The following LPA variants were observed in gnomAD, a reference collection of about 807,000 sequenced individuals.
LPA encodes the protein apolipoprotein(a).
In LPA, 199 loss-of-function variants were observed where a neutral mutation model predicts 197.9. The ratio of observed to expected loss-of-function variants is 1.01; its 90% CI spans 0.90 to 1.13. The LOEUF (loss-of-function observed/expected upper bound fraction) is 1.13. LPA is among the 50% of genes most tolerant of loss of function. The pLI is 0.00. For synonymous variants in LPA, 715 were observed against 639.5 expected (o/e 1.12, Z -1.78); for missense variants, 1,853 against 1,785.8 (o/e 1.04, Z -0.68).
chr6:160,538,421 C>T (rs989728718), intron 36 of LPA, among the ~76,000 whole-genome samples: 26 of 152,160 alleles, frequency 1.7e-4, no homozygotes, highest in Non-Finnish European at 2.6e-4. Flanking sequence ...ACTTCCTCCT[C>T]GTGAATGTTA....
intron 26 of LPA, among the ~76,000 whole-genome samples, chr6:160,579,906 A>G (rs1778758151): frequency 6.6e-6 from 1 of 152,196 alleles, no homozygotes; most frequent in Non-Finnish European, 1.5e-5. Flanking sequence ...ACATAGAGTG[A>G]GATGCACAGA....
chr6:160,663,328 C>A (rs1055595170), intron 1 of LPA, among the ~76,000 whole-genome samples: 1 of 152,122 alleles, frequency 6.6e-6, no homozygotes, highest in Non-Finnish European at 1.5e-5. Context: ...TAGATTTTTT[C>A]TTGGAAATCT....
chr6:160,586,587 G>T lies in LPA; in HGVS notation c.3991C>A (p.Arg1331Ser), dbSNP rs147936725. ...GGATCCATGGTATAACACCAAGGGC[G>T]AATCTCAGCATCTGGATTCCTGCAG... ...NYCRNPDAEI[R>S]PWCYTMDPSV... The change falls in exon 25 of 39, where the codon CGC (arginine) becomes AGC (serine). Residue 1331 changes from arginine (R) to serine (S), a missense_variant. By Grantham distance (110) the Arg-to-Ser change is moderately radical (BLOSUM62 -1). Transcript: ENST00000316300. 3,509 of 1,613,758 alleles carry T rather than the reference G, an allele frequency of 2.2e-3. 7 individuals carry two copies. Among genetic ancestry groups the T allele is most frequent in the Non-Finnish European group, 2.7e-3 (3,185 of 1,179,810 alleles).
At chr6:160,655,279 C>T (rs556898952) in intron 1 of LPA, among the ~76,000 whole-genome samples, 7 of 152,318 alleles carry the variant, frequency 4.6e-5, no homozygotes, top group African/African-American at 1.7e-4. Context: ...CAGGGCCTTG[C>T]TCCAAAATCC....
intron 34 of LPA, 61 bp from the exon 35 acceptor site, chr6:160,541,242 C>A: frequency 1.7e-6 from 2 of 1,201,916 alleles, no homozygotes; most frequent in Admixed American, 3.4e-5. Context: ...CTTCATTGTA[C>A]AGAAAGCCAG....
intron 30 of LPA, among the ~76,000 whole-genome samples, chr6:160,551,269 A>T (rs982309907): frequency 3.3e-5 from 5 of 152,176 alleles, no homozygotes; most frequent in Non-Finnish European, 5.9e-5. Context: ...CATGATGATT[A>T]TAACTCTTTA....
rs1778257336 is a variant in LPA at position 160,556,054 on chromosome 6, A to G, written c.4944T>C (p.His1648=). 3 of 1,612,694 alleles carry G rather than the reference A, an allele frequency of 1.9e-6. No individual in the cohort carries two copies. Among genetic ancestry groups the G allele is most frequent in the Non-Finnish European group, 1.7e-6 (2 of 1,178,916 alleles). Residue 1648 remains histidine, a synonymous_variant, in exon 30 of 39, where the codon CAT becomes CAC. Transcript: ENST00000316300. Reference sequence around the variant, plus strand: ...TTGGGTAGTTTTCTGGGGTCCTCTGATGCCGGTGTGGTGTCATGGATGACC... The same window carrying G: ...TTGGGTAGTTTTCTGGGGTCCTCTGGTGCCGGTGTGGTGTCATGGATGACC... ...QSWSSMTPHR[H]QRTPENYPND... is the part of the protein sequence containing the mutation.
intron 19 of LPA, 95 bp downstream of exon 19, chr6:160,600,822 A>T: frequency 6.6e-6 from 9 of 1,365,820 alleles, no homozygotes; most frequent in Non-Finnish European, 9.3e-6. Flanking sequence ...ACACACGAGA[A>T]CCAGTGTAGC....
In LPA at chr6:160,664,247, G is replaced by A. The variant is rs1405406364; in HGVS notation, c.-33C>T. The A allele has an allele frequency of 6.2e-7, 1 of 1,602,214 alleles. No individual in the cohort carries two copies. Among genetic ancestry groups the A allele is most frequent in the African/African-American group, 1.3e-5 (1 of 74,440 alleles). On this transcript the variant is annotated 5_prime_UTR_variant, in exon 1 of 39. Transcript: ENST00000316300. Reference sequence around the variant, plus strand: ...CTGGCCAGCAGTGCCCAGAAAGTGTGTCCCAATCCCAGGACATTGTTGACT... The same window carrying A: ...CTGGCCAGCAGTGCCCAGAAAGTGTATCCCAATCCCAGGACATTGTTGACT...
chr6:160,605,296 C>G, intron 17 of LPA, 91 bp from the exon 18 acceptor site: 1 of 1,461,994 alleles, frequency 6.8e-7, no homozygotes, highest in Non-Finnish European at 9.5e-7. Context: ...AAAAAAGTCT[C>G]TGAGAATTAT....
rs201263608 is a variant in LPA, at chr6:160,595,414, T to A, written c.3409A>T (p.Ser1137Cys). The change falls in exon 21 of 39, where the codon AGT (serine) becomes TGT (cysteine). Residue 1137 changes from serine (S) to cysteine (C), a missense_variant. Ser to Cys is a moderately radical substitution (Grantham distance 112). This residue lies in a region of LPA where 1,737 missense variants were observed against 1,504.4 expected (regional missense o/e 1.15). Transcript: ENST00000316300. ...NLTQCLVTESSVLATLTVVPD... is the reference protein window; with the variant it reads ...NLTQCLVTESCVLATLTVVPD... ...ACCACCGTGAGAGTTGCAAGGACACTTGATTCTGTCACCAGGCATTGTGTC... is the reference window on the plus strand; with the variant it reads ...ACCACCGTGAGAGTTGCAAGGACACATGATTCTGTCACCAGGCATTGTGTC... 1.2e-6 allele frequency: 2 copies of A among 1,613,952 alleles called. No homozygotes were observed. Among genetic ancestry groups the A allele is most frequent in the Non-Finnish European group, 1.7e-6 (2 of 1,179,922 alleles).
Position 160,606,620 on chromosome 6 carries a change from A to G in LPA, c.2642T>C (p.Val881Ala), listed in dbSNP as rs1779359288. Residue 881 changes from valine (V) to alanine (A), a missense_variant, in exon 17 of 39, where the codon GTG (valine) becomes GCG (alanine). Val to Ala is a moderately conservative substitution (Grantham distance 64, BLOSUM62 0). Transcript: ENST00000316300. ...CCTCGTATAACAATAAGGGGCTGCCACAGGATCTGGATTCCTGCAGTAGTT... is the reference window on the plus strand; with the variant it reads ...CCTCGTATAACAATAAGGGGCTGCCGCAGGATCTGGATTCCTGCAGTAGTT... ...IMNYCRNPDP[V>A]AAPYCYTRDP... 7 of 1,614,038 alleles carry G rather than the reference A, an allele frequency of 4.3e-6. No homozygotes were observed. Among genetic ancestry groups the G allele is most frequent in the Non-Finnish European group, 5.1e-6 (6 of 1,179,952 alleles).
At chr6:160,661,973 C>T (rs1455657898) in intron 1 of LPA, among the ~76,000 whole-genome samples, 2 of 152,150 alleles carry the variant, frequency 1.3e-5, no homozygotes, top group Non-Finnish European at 2.9e-5. Context: ...CATTTATTTC[C>T]CCCTTTAACT....
At chr6:160,656,295 G>A (rs945472797) in intron 1 of LPA, among the ~76,000 whole-genome samples, 1 of 152,192 alleles carries the variant, frequency 6.6e-6, no homozygotes, top group Non-Finnish European at 1.5e-5. Flanking sequence ...GGTAGAGACA[G>A]CTCTAATGGC....
chr6:160,608,650 T>C (rs1298854189), intron 16 of LPA, among the ~76,000 whole-genome samples: 3 of 152,214 alleles, frequency 2.0e-5, no homozygotes, highest in African/African-American at 7.2e-5. Context: ...TTGTTAATAT[T>C]CTTGATCAAT....
At chr6:160,562,322 T>C (rs577855967) in intron 28 of LPA, among the ~76,000 whole-genome samples, 2 of 152,370 alleles carry the variant, frequency 1.3e-5, no homozygotes, top group South Asian at 4.1e-4. Flanking sequence ...TCTATTGCGA[T>C]AATCATACGG....
At chr6:160,597,186 A>G (rs151042961) in intron 20 of LPA, among the ~76,000 whole-genome samples, 1 of 152,326 alleles carries the variant, frequency 6.6e-6, no homozygotes, top group Admixed American at 6.5e-5. Context: ...GTTTTTATTG[A>G]GAACAAAGAT....
At chr6:160,605,511 G>T (rs577832503) in intron 17 of LPA, among the ~76,000 whole-genome samples, 1 of 152,182 alleles carries the variant, frequency 6.6e-6, no homozygotes, top group African/African-American at 2.4e-5. Flanking sequence ...TGGAAACTGT[G>T]CTCACGTGCA....
At chr6:160,548,182 T>A (rs891953981) in intron 31 of LPA, among the ~76,000 whole-genome samples, 1 of 152,176 alleles carries the variant, frequency 6.6e-6, no homozygotes, top group African/African-American at 2.4e-5. Flanking sequence ...GGAATTTGAC[T>A]GGGACACTGA....
Sources: allele counts gnomAD v4.1 joint callset (sites outside exome capture counted in the v4.1 genomes callset), GRCh38; gene constraint gnomAD v4.1.1; regional missense constraint gnomAD v4.1.1; transcripts MANE v1.5; gene names NCBI Gene and HGNC (gene_info 2026-07-23, HGNC 2026-07-21).